The following TPD52L1 variants were observed in gnomAD, a reference collection of about 807,000 sequenced individuals.
TPD52L1 encodes TPD52 like 1, also known as tumor protein D53.
In TPD52L1, 18 loss-of-function variants were observed where a neutral mutation model predicts 28.7. The ratio of observed to expected loss-of-function variants is 0.63; its 90% CI spans 0.43 to 0.93. The LOEUF (loss-of-function observed/expected upper bound fraction) is 0.93. Ranked by LOEUF, TPD52L1 falls within the 40% of genes least tolerant of loss-of-function variation. The probability of loss-of-function intolerance (pLI) is 0.00; values close to 1 mark genes in which losing one functional copy is unlikely to be tolerated. For synonymous variants in TPD52L1, 75 were observed against 88.8 expected (o/e 0.84, Z 0.88); for missense variants, 203 against 254.8 (o/e 0.80, Z 1.39).
In TPD52L1 at chr6:125,153,868, T is replaced by G. The variant is rs1789931503; in HGVS notation, c.-84T>G. The stretch of plus-strand genomic sequence containing the variant: ...AGTGGGAGCGAGCGGCGGGGCCAGC[T>G]GCGTTCTGAGCCTGGGCGCAGCTGC... On this transcript the variant is annotated 5_prime_UTR_variant, in exon 1 of 7. Coordinates refer to ENST00000534000, the MANE Select transcript of TPD52L1 (RefSeq NM_003287.4). 2.7e-6 allele frequency: 4 copies of G among 1,498,326 alleles called. No homozygotes were observed. The highest frequency in any genetic ancestry group is 3.6e-6 in the Non-Finnish European group (4 of 1,117,226). 92.8% of individuals were successfully genotyped at this position (1,498,326 alleles called of 1,614,324 possible).
At chr6:125,248,444 C>A (rs1027623226) in intron 4 of TPD52L1, 61 bp downstream of exon 4, 3 of 1,239,048 alleles carry the variant, frequency 2.4e-6, no homozygotes, top group Middle Eastern at 1.9e-4. Context: ...TTGAAGGGAG[C>A]ACTAGCTATT....
intron 6 of TPD52L1, 171 bp from the exon 7 acceptor site, chr6:125,262,663 A>C: frequency 1.2e-6 from 1 of 863,218 alleles, no homozygotes; most frequent in Non-Finnish European, 1.7e-6. Flanking sequence ...CCAAGTATGA[A>C]TAATATTCTA....
chr6:125,194,231 G>C (rs1262213910), intron 1 of TPD52L1, among the ~76,000 whole-genome samples: 1 of 152,034 alleles, frequency 6.6e-6, no homozygotes, highest in Non-Finnish European at 1.5e-5. Context: ...AGAAATGCCA[G>C]CTGACAGCAG....
intron 1 of TPD52L1, among the ~76,000 whole-genome samples, chr6:125,173,319 C>A (rs908628942): frequency 6.6e-6 from 1 of 152,176 alleles, no homozygotes; most frequent in African/African-American, 2.4e-5. Context: ...GGCACACGGT[C>A]CAAGGAATGG....
intron 3 of TPD52L1, among the ~76,000 whole-genome samples, chr6:125,232,356 G>A (rs1449288698): frequency 3.3e-5 from 5 of 152,046 alleles, no homozygotes; most frequent in Non-Finnish European, 7.4e-5. Context: ...GGAAGGCAGC[G>A]GATCTTAATC....
chr6:125,161,877 A>C (rs920228157), intron 1 of TPD52L1, among the ~76,000 whole-genome samples: 2 of 152,212 alleles, frequency 1.3e-5, no homozygotes, highest in Non-Finnish European at 2.9e-5. Context: ...TGTTGGAAAA[A>C]TGGCACCAAT....
intron 1 of TPD52L1, among the ~76,000 whole-genome samples, chr6:125,174,026 C>T (rs1025945103): frequency 6.6e-6 from 1 of 152,182 alleles, no homozygotes; most frequent in African/African-American, 2.4e-5. Context: ...AGCGATGTGA[C>T]CTTTAACTTC....
chr6:125,178,736 G>A (rs577161311), intron 1 of TPD52L1, among the ~76,000 whole-genome samples: 2 of 152,218 alleles, frequency 1.3e-5, no homozygotes, highest in East Asian at 1.9e-4. Context: ...AGGGATGGGT[G>A]GAATGGTGGT....
intron 3 of TPD52L1, among the ~76,000 whole-genome samples, chr6:125,230,633 C>T (rs569966264): frequency 2.0e-5 from 3 of 152,226 alleles, no homozygotes; most frequent in African/African-American, 7.2e-5. Flanking sequence ...CCTTTTTGCT[C>T]CTATGAGAAG....
chr6:125,251,458 A>G (rs914436317), intron 4 of TPD52L1, among the ~76,000 whole-genome samples: 2 of 151,094 alleles, frequency 1.3e-5, no homozygotes, highest in South Asian at 2.1e-4. Context: ...TTAATAGCTG[A>G]AAAAAAAGCT....
intron 3 of TPD52L1, among the ~76,000 whole-genome samples, chr6:125,232,383 G>A (rs1003585481): frequency 4.6e-5 from 7 of 152,146 alleles, no homozygotes; most frequent in African/African-American, 1.7e-4. Context: ...TTGGAGGAGC[G>A]ATAAAATCTG....
chr6:125,206,624 C>T (rs1399439359), intron 1 of TPD52L1, among the ~76,000 whole-genome samples: 1 of 152,114 alleles, frequency 6.6e-6, no homozygotes, highest in African/African-American at 2.4e-5. Context: ...ACATCACAGG[C>T]AGTCTAGGTG....
Position 125,158,034 on chromosome 6 carries a change from T to G in TPD52L1, c.19+4064T>G, listed in dbSNP as rs147607814. ...CATCACTCCAATCTCTCTGTCTCCG[T>G]GGTTATGCTGCTTTCTGTTCTGTTC... On this transcript the variant is annotated intron_variant, in intron 1 of 6. Transcript: ENST00000534000. 4.7e-4 allele frequency among the ~76,000 whole-genome samples: 72 copies of G among 152,300 alleles called. No individual in the cohort carries two copies. The East Asian group carries it at 0.012, about 26-fold the overall frequency.
At chr6:125,204,770 C>T (rs1260469117) in intron 1 of TPD52L1, among the ~76,000 whole-genome samples, 1 of 152,222 alleles carries the variant, frequency 6.6e-6, no homozygotes, top group Non-Finnish European at 1.5e-5. Context: ...TGAGCCACTG[C>T]GCCAGGCCTA....
intron 1 of TPD52L1, chr6:125,209,033 C>G (rs938155623): frequency 2.5e-6 from 2 of 805,180 alleles, no homozygotes; most frequent in Non-Finnish European, 3.0e-6. Flanking sequence ...GCCTCTGACA[C>G]AGCTTTATTT....
chr6:125,261,007 AAAGAAAG>A (rs1797990164), intron 6 of TPD52L1: 2 of 46,708 alleles, frequency 4.3e-5, no homozygotes, highest in African/African-American at 1.9e-4. Flanking sequence ...AGAAAGAAAG[AAAGAAAG>A]AAAGAAAAGA....
intron 1 of TPD52L1, among the ~76,000 whole-genome samples, chr6:125,184,273 A>G (rs1792432741): frequency 6.6e-6 from 1 of 152,220 alleles, no homozygotes; most frequent in Non-Finnish European, 1.5e-5. Flanking sequence ...GGATCCTTTC[A>G]TCGGCTCCAT....
intron 1 of TPD52L1, among the ~76,000 whole-genome samples, chr6:125,211,256 G>GATCTGTCTATCT (rs1794472887): frequency 8.1e-6 from 1 of 124,010 alleles, no homozygotes; most frequent in African/African-American, 3.1e-5. Flanking sequence ...TAGATATATG[G>GATCTGTCTATCT]ATCTGTCTAT....
chr6:125,218,303 AT>A (rs1209601033), intron 1 of TPD52L1, among the ~76,000 whole-genome samples: 1 of 152,184 alleles, frequency 6.6e-6, no homozygotes, highest in Admixed American at 6.5e-5. Context: ...GCGTGAACTA[AT>A]TTAATTTGTA....
Sources: allele counts gnomAD v4.1 joint callset (sites outside exome capture counted in the v4.1 genomes callset), GRCh38; gene constraint gnomAD v4.1.1; transcripts MANE v1.5; gene names NCBI Gene and HGNC (gene_info 2026-07-23, HGNC 2026-07-21).